Variants in EHMT1 observed in about 807,000 individuals in gnomAD.
EHMT1 encodes histone-lysine N-methyltransferase EHMT1.
In EHMT1, 15 loss-of-function variants were observed where a neutral mutation model predicts 147.2. The ratio of observed to expected loss-of-function variants is 0.10; its 90% CI spans 0.07 to 0.16. EHMT1 has a LOEUF of 0.16. EHMT1 is among the 10% of genes least tolerant of loss of function. The pLI, the probability that EHMT1 is intolerant of heterozygous loss-of-function variation, is 1.00. For missense variants in EHMT1, 1,587 were observed against 1,772.4 expected, an observed-to-expected ratio of 0.90 and a Z score of 1.88; for synonymous variants, 795 against 709.6, an observed-to-expected ratio of 1.12 and a Z score of -1.91.
intron 1 of EHMT1, among the ~76,000 whole-genome samples, chr9:137,624,004 T>C (rs1309883146): frequency 4.7e-5 from 7 of 149,308 alleles, no homozygotes; most frequent in South Asian, 2.1e-4. Context: ...TTCTTTCTTT[T>C]TTTTTTTTTT....
At chr9:137,771,087 T>C (rs1950553518) in intron 10 of EHMT1, among the ~76,000 whole-genome samples, 1 of 152,144 alleles carries the variant, frequency 6.6e-6, no homozygotes, top group Non-Finnish European at 1.5e-5. Flanking sequence ...TAAGACACAT[T>C]GCTCAGAAGA....
intron 4 of EHMT1, among the ~76,000 whole-genome samples, chr9:137,728,800 G>GTC (rs1361816522): frequency 6.6e-6 from 1 of 152,148 alleles, no homozygotes; most frequent in Admixed American, 6.5e-5. Context: ...GACTCACTTG[G>GTC]TCTATGTGGG....
At chr9:137,660,924 GC>G (rs746431132) in intron 1 of EHMT1, among the ~76,000 whole-genome samples, 1 of 152,120 alleles carries the variant, frequency 6.6e-6, no homozygotes, top group Non-Finnish European at 1.5e-5. Flanking sequence ...ATCTTGCTAA[GC>G]TCTACTATTA....
intron 1 of EHMT1, among the ~76,000 whole-genome samples, chr9:137,677,372 G>A (rs544877828): frequency 6.6e-6 from 1 of 152,048 alleles, no homozygotes; most frequent in Non-Finnish European, 1.5e-5. Flanking sequence ...TGGACTCCAG[G>A]GATCTGCCTA....
chr9:137,656,470 T>G (rs563604117), intron 1 of EHMT1, among the ~76,000 whole-genome samples: 2 of 152,190 alleles, frequency 1.3e-5, no homozygotes, highest in African/African-American at 4.8e-5. Flanking sequence ...ACACTTAGAT[T>G]TCGAAGTTTC....
At chr9:137,637,303 G>A (rs1844156421) in intron 1 of EHMT1, among the ~76,000 whole-genome samples, 3 of 152,066 alleles carry the variant, frequency 2.0e-5, no homozygotes, top group Admixed American at 2.0e-4. Context: ...AGCCTCCCGA[G>A]TAGCTGGGAT....
At chr9:137,672,868 C>T (rs1940841224) in intron 1 of EHMT1, among the ~76,000 whole-genome samples, 1 of 152,222 alleles carries the variant, frequency 6.6e-6, no homozygotes, top group Non-Finnish European at 1.5e-5. Context: ...AAAAAACAAT[C>T]TCTGACATGA....
rs1953642213 is a variant in EHMT1, at chr9:137,803,104, G to T, written c.2712+2120G>T. ...GGCCTGCATGCCTGGGCAGTTTGCA[G>T]CCTGTCCAGGTGTCAGAGCTGTTAG... On this transcript the variant is annotated intron_variant, in intron 18 of 26. Coordinates refer to ENST00000460843, the MANE Select transcript of EHMT1 (RefSeq NM_024757.5). 4.9e-6 allele frequency: 6 copies of T among 1,229,470 alleles called. No individual in the cohort carries two copies. The African/African-American group carries it at 9.3e-5, about 19-fold the overall frequency. The allele number at this position is 1,229,470 out of a possible 1,614,324, so 76.2% of individuals were successfully genotyped here.
chr9:137,736,480 A>T (rs1947539265), intron 4 of EHMT1, among the ~76,000 whole-genome samples: 1 of 152,272 alleles, frequency 6.6e-6, no homozygotes, highest in Admixed American at 6.5e-5. Flanking sequence ...GATTTAGCAG[A>T]CATACAGAGC....
chr9:137,817,806 T>C (rs2132801484), intron 24 of EHMT1: 1 of 622,564 alleles, frequency 1.6e-6, no homozygotes, highest in Non-Finnish European at 2.8e-6. Context: ...TGGGCAGTCA[T>C]CTCTAGGGGA....
intron 16 of EHMT1, 78 bp from the exon 17 acceptor site, chr9:137,798,735 T>C (rs1006431619): frequency 8.4e-7 from 1 of 1,187,086 alleles, no homozygotes; most frequent in African/African-American, 1.5e-5. Flanking sequence ...CACCGGGTTC[T>C]CCTGGATCCC....
At chr9:137,761,510 G>A (rs990492392) in intron 9 of EHMT1, among the ~76,000 whole-genome samples, 3 of 152,206 alleles carry the variant, frequency 2.0e-5, no homozygotes, top group African/African-American at 4.8e-5. Context: ...CTGGAGTGCA[G>A]TGGCACAATC....
At chr9:137,684,546 C>G (rs1942257752) in intron 1 of EHMT1, among the ~76,000 whole-genome samples, 1 of 152,024 alleles carries the variant, frequency 6.6e-6, no homozygotes, top group Non-Finnish European at 1.5e-5. Flanking sequence ...TGTTGGAGTG[C>G]AGTGGTGTGA....
At chr9:137,710,039 C>G (rs913875213) in intron 1 of EHMT1, among the ~76,000 whole-genome samples, 1 of 152,118 alleles carries the variant, frequency 6.6e-6, no homozygotes, top group Admixed American at 6.5e-5. Flanking sequence ...CTGCTGCCTC[C>G]TTATGGACTC....
At chr9:137,742,229 G>A (rs1948150908) in intron 4 of EHMT1, among the ~76,000 whole-genome samples, 2 of 151,562 alleles carry the variant, frequency 1.3e-5, no homozygotes, top group South Asian at 4.1e-4. Flanking sequence ...ACCCGCTTTG[G>A]ATGGTTCTCA....
chr9:137,813,535 GTGACGGCAGA>G lies in EHMT1; in HGVS notation c.3180+9_3180+18del. On this transcript the variant is annotated splice_donor_region_variant and intron_variant, in intron 21 of 26. Transcript: ENST00000460843. This position sits in a 1 kb window ranked among gnomAD's most constrained non-coding sequence, Gnocchi z 4.9. ...AGAAATATCACTCATCTGCAGGTGA[GTGACGGCAGA>G]TGAAGGGCTGACTCAGGCCAGGACA... 6.2e-7 allele frequency: 1 copy of G among 1,613,738 alleles called. No homozygotes were observed. The highest frequency in any genetic ancestry group is 8.5e-7 in the Non-Finnish European group (1 of 1,180,020).
At chr9:137,699,814 A>G (rs1943690693) in intron 1 of EHMT1, among the ~76,000 whole-genome samples, 1 of 152,206 alleles carries the variant, frequency 6.6e-6, no homozygotes, top group South Asian at 2.1e-4. Context: ...GCACCACTGC[A>G]CTCCAGCCTG....
chr9:137,810,818 G>A (rs1392818334), intron 18 of EHMT1, among the ~76,000 whole-genome samples: 30 of 151,928 alleles, frequency 2.0e-4, no homozygotes, highest in Admixed American at 2.0e-3. Flanking sequence ...TCCTGCCTCA[G>A]CCTCGCAAGT....
chr9:137,619,235 T>G, intron 1 of EHMT1, among the ~76,000 whole-genome samples, 186 bp downstream of exon 1: 1 of 135,650 alleles, frequency 7.4e-6, no homozygotes, highest in African/African-American at 2.7e-5. Flanking sequence ...CCGCCGGGCG[T>G]CCGGCCCGCG....
Sources: allele counts gnomAD v4.1 joint callset (sites outside exome capture counted in the v4.1 genomes callset), GRCh38; gene constraint gnomAD v4.1.1; non-coding constraint Gnocchi (gnomAD v3.1); transcripts MANE v1.5; gene names NCBI Gene and HGNC (gene_info 2026-07-23, HGNC 2026-07-21).